Variants in KSR2 observed in about 807,000 individuals in gnomAD.
KSR2 encodes kinase suppressor of ras 2.
Under a neutral mutation model 107.8 loss-of-function variants are expected in KSR2, and 25 were observed. The ratio of observed to expected loss-of-function variants is 0.23; its 90% CI spans 0.17 to 0.32. The LOEUF is 0.32. KSR2 is among the 10% of genes least tolerant of loss of function. KSR2 has a pLI of 1.00. For synonymous variants in KSR2, 480 were observed against 507.0 expected, an observed-to-expected ratio of 0.95 and a Z score of 0.71; for missense variants, 887 against 1,268.9, an observed-to-expected ratio of 0.70 and a Z score of 4.57.
chr12:117,798,483 A>AT (rs1890712135), intron 3 of KSR2, among the ~76,000 whole-genome samples: 1 of 152,060 alleles, frequency 6.6e-6, no homozygotes, highest in Non-Finnish European at 1.5e-5. Context: ...AAATACAAAA[A>AT]TTAGCTGGGC....
At chr12:117,923,083 T>A (rs532024931) in intron 1 of KSR2, among the ~76,000 whole-genome samples, 3 of 152,310 alleles carry the variant, frequency 2.0e-5, no homozygotes, top group East Asian at 1.9e-4. Context: ...AAGTGCTACC[T>A]AGTGTGTTCC....
intron 1 of KSR2, among the ~76,000 whole-genome samples, chr12:117,940,956 G>A (rs928652362): frequency 2.6e-5 from 4 of 152,070 alleles, no homozygotes; most frequent in African/African-American, 9.6e-5. Flanking sequence ...CATGGTGGTG[G>A]TTACCTGTAA....
Position 117,570,653 on chromosome 12 carries a change from T to G in KSR2, c.1325+8466A>C, listed in dbSNP as rs200135932. Among the ~76,000 whole-genome samples, 22 of 152,356 alleles carry G rather than the reference T, an allele frequency of 1.4e-4. No individual in the cohort carries two copies. The East Asian group carries it at 2.9e-3, about 20-fold the overall frequency. On this transcript the variant is annotated intron_variant, in intron 7 of 19. Coordinates refer to ENST00000339824, the MANE Select transcript of KSR2 (RefSeq NM_173598.6). ...TTTGCATTCATATAAAGTCGGGTTT[T>G]GCAACGAAATAAATGCTGAACAACG... is the stretch of plus-strand genomic sequence containing the variant.
chr12:117,866,361 C>CTTTATA (rs1893471203), intron 1 of KSR2, among the ~76,000 whole-genome samples: 1 of 152,164 alleles, frequency 6.6e-6, no homozygotes, highest in Non-Finnish European at 1.5e-5. Flanking sequence ...TATAACGGAG[C>CTTTATA]ACAGGACACA....
intron 1 of KSR2, among the ~76,000 whole-genome samples, chr12:117,909,010 A>G (rs1225689444): frequency 5.3e-5 from 8 of 152,188 alleles, no homozygotes; most frequent in Admixed American, 5.2e-4. Flanking sequence ...TTCAATAGGC[A>G]CAGCTAAGAA....
chr12:117,798,995 G>T (rs922336345), intron 3 of KSR2, among the ~76,000 whole-genome samples: 1 of 152,134 alleles, frequency 6.6e-6, no homozygotes, highest in Non-Finnish European at 1.5e-5. Flanking sequence ...AAAAGGCCAC[G>T]CAGTGTAGAA....
intron 1 of KSR2, among the ~76,000 whole-genome samples, chr12:117,943,350 G>C (rs902579037): frequency 2.0e-5 from 3 of 151,720 alleles, no homozygotes; most frequent in Admixed American, 2.0e-4. Context: ...AGAGCTCCTG[G>C]GAATTGTCAC....
chr12:117,468,875 AT>A (rs1391005324), intron 19 of KSR2, among the ~76,000 whole-genome samples: 10 of 152,124 alleles, frequency 6.6e-5, no homozygotes, highest in African/African-American at 1.9e-4. Flanking sequence ...ATGAATTTGT[AT>A]AGAGGTATGT....
chr12:117,765,585 C>A (rs749881838), intron 3 of KSR2, among the ~76,000 whole-genome samples: 1 of 151,998 alleles, frequency 6.6e-6, no homozygotes, highest in Non-Finnish European at 1.5e-5. Context: ...CAGAATAGAA[C>A]AAGAAATAAA....
At chr12:117,877,281 G>A (rs1288260687) in intron 1 of KSR2, among the ~76,000 whole-genome samples, 9 of 152,054 alleles carry the variant, frequency 5.9e-5, no homozygotes. Flanking sequence ...AGGTTGCAGT[G>A]AGCCAAGATC....
At chr12:117,805,028 C>G (rs181998561) in intron 3 of KSR2, among the ~76,000 whole-genome samples, 2 of 152,120 alleles carry the variant, frequency 1.3e-5, no homozygotes, top group Non-Finnish European at 2.9e-5. Flanking sequence ...CCAACCATCG[C>G]GGATGGACTG....
intron 5 of KSR2, among the ~76,000 whole-genome samples, chr12:117,629,288 T>C (rs1882695821): frequency 6.6e-6 from 1 of 152,262 alleles, no homozygotes; most frequent in South Asian, 2.1e-4. Flanking sequence ...GCGTCGATCA[T>C]GCTGGGAGCT....
At chr12:117,812,908 C>G (rs1891248296) in intron 3 of KSR2, among the ~76,000 whole-genome samples, 1 of 148,148 alleles carries the variant, frequency 6.8e-6, no homozygotes, top group Non-Finnish European at 1.5e-5. Context: ...CCACCAGCAC[C>G]AGACTTCAAA....
chr12:117,616,608 T>G (rs996751098), intron 5 of KSR2, among the ~76,000 whole-genome samples: 44 of 152,304 alleles, frequency 2.9e-4, no homozygotes, highest in African/African-American at 9.9e-4. Context: ...GTGCCTTTTG[T>G]CCCAATTCAG....
intron 14 of KSR2, among the ~76,000 whole-genome samples, chr12:117,521,368 C>T (rs979867173): frequency 6.6e-6 from 1 of 152,218 alleles, no homozygotes; most frequent in Non-Finnish European, 1.5e-5. Flanking sequence ...GAAACTAAGG[C>T]TTGTGAAACC....
intron 4 of KSR2, among the ~76,000 whole-genome samples, chr12:117,686,253 A>T: frequency 9.6e-6 from 1 of 103,670 alleles, no homozygotes; most frequent in Admixed American, 1.1e-4. Context: ...TTTAGCAGAG[A>T]TGAGGTCTTG....
intron 5 of KSR2, among the ~76,000 whole-genome samples, chr12:117,653,956 G>A (rs1318376079): frequency 2.6e-5 from 4 of 152,176 alleles, no homozygotes; most frequent in African/African-American, 7.2e-5. Context: ...GTCAGTCGCC[G>A]ACAGGGATGC....
intron 3 of KSR2, among the ~76,000 whole-genome samples, chr12:117,808,863 G>A (rs1264989766): frequency 2.0e-5 from 3 of 152,126 alleles, no homozygotes; most frequent in Non-Finnish European, 4.4e-5. Flanking sequence ...AATGGAATAC[G>A]GATGCAGCAA....
At chr12:117,792,288 T>C (rs1031884457) in intron 3 of KSR2, among the ~76,000 whole-genome samples, 8 of 151,988 alleles carry the variant, frequency 5.3e-5, no homozygotes, top group African/African-American at 1.9e-4. Context: ...AGGTCGAGGC[T>C]GCAGTGAGCT....
Sources: allele counts gnomAD v4.1 joint callset (sites outside exome capture counted in the v4.1 genomes callset), GRCh38; gene constraint gnomAD v4.1.1; transcripts MANE v1.5; gene names NCBI Gene and HGNC (gene_info 2026-07-23, HGNC 2026-07-21).